The following TMEM131 variants were observed in gnomAD, a reference collection of about 807,000 sequenced individuals.
TMEM131 encodes transmembrane protein 131.
TMEM131 carries 66 observed loss-of-function variants against 211.6 expected under a neutral mutation model. That is an observed-to-expected ratio of 0.31 (90% CI 0.26 to 0.38). TMEM131 has a LOEUF of 0.38. TMEM131 is among the 10% of genes least tolerant of loss of function. The probability of loss-of-function intolerance (pLI) is 1.00; values close to 1 mark genes in which losing one functional copy is unlikely to be tolerated. For missense variants in TMEM131, 2,036 were observed against 2,299.3 expected, an observed-to-expected ratio of 0.89 and a Z score of 2.34; for synonymous variants, 844 against 841.3, an observed-to-expected ratio of 1.00 and a Z score of -0.06.
At position 97,762,172 on chromosome 2, in the gene TMEM131, C is replaced by T. The variant is rs772653419; in HGVS notation, c.4752G>A (p.Leu1584=). 6.2e-7 allele frequency: 1 copy of T among 1,613,904 alleles called. No homozygotes were observed. Among genetic ancestry groups the T allele is most frequent in the Non-Finnish European group, 8.5e-7 (1 of 1,179,878 alleles). The change falls in exon 36 of 41, where the codon CTG becomes CTA. Residue 1584 remains leucine, a synonymous_variant. Coordinates refer to ENST00000186436, the MANE Select transcript of TMEM131 (RefSeq NM_015348.2). ...AGAAAATGTCTGCGTTGAGGGTTTG[C>T]AGAGAAAGTTTATAAAGACTATCAG... is the stretch of plus-strand genomic sequence containing the variant. ...SSTDSLYKLS[L]QTLNADIFLK...
intron 1 of TMEM131, among the ~76,000 whole-genome samples, chr2:97,946,179 CATAT>C (rs3064035): frequency 0.041 from 6,246 of 151,882 alleles, 225 homozygotes; most frequent in African/African-American, 0.096. Flanking sequence ...ATTGCATACT[CATAT>C]ATAATCTATA....
intron 25 of TMEM131, among the ~76,000 whole-genome samples, chr2:97,800,811 G>A (rs1573381047): frequency 6.6e-6 from 1 of 151,936 alleles, no homozygotes; most frequent in Non-Finnish European, 1.5e-5. Flanking sequence ...TGGTTACTGA[G>A]CCTTCTAGAT....
At chr2:97,917,947 CTT>C (rs1239831659) in intron 2 of TMEM131, among the ~76,000 whole-genome samples, 3 of 146,042 alleles carry the variant, frequency 2.1e-5, no homozygotes, top group Non-Finnish European at 3.0e-5. Flanking sequence ...TTTTTTCTCT[CTT>C]TTTTTTTTTT....
At position 97,847,048 on chromosome 2, in the gene TMEM131, G is replaced by A. The variant is rs529937301; in HGVS notation, c.484-2787C>T. On this transcript the variant is annotated intron_variant, in intron 5 of 40. Coordinates refer to ENST00000186436, the MANE Select transcript of TMEM131 (RefSeq NM_015348.2). ...ACAAAAATTAGTTGGGTGTGATGGC[G>A]CGTGCCTGTAGTCCCAGCTACTGGG... 5.6e-3 allele frequency among the ~76,000 whole-genome samples: 783 copies of A among 139,028 alleles called. 1 individual carries two copies. The highest frequency in any genetic ancestry group is 8.8e-3 in the Non-Finnish European group (565 of 64,244). The allele number at this position is 139,028 out of a possible 152,430, so 91.2% of individuals were successfully genotyped here. A position where few individuals can be genotyped will look rare whatever the true frequency, so the allele number is the denominator to read the frequency against.
At chr2:97,861,393 G>A (rs1674062817) in intron 4 of TMEM131, among the ~76,000 whole-genome samples, 1 of 151,206 alleles carries the variant, frequency 6.6e-6, no homozygotes, top group Non-Finnish European at 1.5e-5. Flanking sequence ...ACAGAGGAGA[G>A]GAGGGGGAAG....
intron 32 of TMEM131, 76 bp downstream of exon 32, chr2:97,775,767 T>G (rs1048432977): frequency 4.3e-4 from 613 of 1,439,778 alleles, no homozygotes; most frequent in Middle Eastern, 8.3e-4. Context: ...CCAGAATCTA[T>G]GAGATGGAAG....
At chr2:97,929,079 G>A (rs1677108467) in intron 1 of TMEM131, among the ~76,000 whole-genome samples, 1 of 151,546 alleles carries the variant, frequency 6.6e-6, no homozygotes, top group Admixed American at 6.6e-5. Context: ...TCCAATAAAA[G>A]AAACCAGGGC....
chr2:97,995,445 C>T, intron 1 of TMEM131, 31 bp downstream of exon 1: 4 of 1,345,166 alleles, frequency 3.0e-6, no homozygotes, highest in South Asian at 1.9e-5. Flanking sequence ...GTGACAGCCC[C>T]GCCGCAGGGA....
chr2:97,785,950 C>T (rs1306928707), intron 31 of TMEM131, among the ~76,000 whole-genome samples: 1 of 152,148 alleles, frequency 6.6e-6, no homozygotes, highest in Non-Finnish European at 1.5e-5. Flanking sequence ...TAATCTCCTC[C>T]ATTTCTACAA....
intron 8 of TMEM131, among the ~76,000 whole-genome samples, chr2:97,835,542 A>C (rs1682899642): frequency 6.6e-6 from 1 of 152,218 alleles, no homozygotes; most frequent in South Asian, 2.1e-4. Flanking sequence ...TTTGAGGAGT[A>C]ATCTCTTTCC....
chr2:97,874,117 G>T (rs907926926), intron 4 of TMEM131, among the ~76,000 whole-genome samples: 2 of 152,142 alleles, frequency 1.3e-5, no homozygotes, highest in African/African-American at 4.8e-5. Flanking sequence ...TGGAAGAAAG[G>T]ATATCAGTGA....
intron 3 of TMEM131, among the ~76,000 whole-genome samples, chr2:97,904,729 C>T (rs184952364): frequency 6.7e-6 from 1 of 149,578 alleles, no homozygotes; most frequent in African/African-American, 2.4e-5. Flanking sequence ...TTTATGCCTT[C>T]TTTTAGATCA....
At chr2:97,845,437 C>T (rs74967548) in intron 5 of TMEM131, among the ~76,000 whole-genome samples, 55 of 152,140 alleles carry the variant, frequency 3.6e-4, no homozygotes, top group African/African-American at 1.1e-3. Context: ...GAAAGATACC[C>T]GGCAAACCCT....
chr2:97,813,065 C>G (rs191381448), intron 15 of TMEM131, among the ~76,000 whole-genome samples: 55 of 152,122 alleles, frequency 3.6e-4, no homozygotes, highest in Non-Finnish European at 5.9e-5. Flanking sequence ...ATTTATACGA[C>G]ATAGTTGAGG....
In TMEM131 at chr2:97,790,954, C is replaced by G. The variant is rs370582356; in HGVS notation, c.4144+1432G>C. On this transcript the variant is annotated intron_variant, in intron 31 of 40. Coordinates refer to ENST00000186436, the MANE Select transcript of TMEM131 (RefSeq NM_015348.2). ...AAAAATTATCTAAAACTCCTTGACT[C>G]TGGGATGTCAAGTTTCTTCTGGCCT... Among the ~76,000 whole-genome samples, 14 of 152,296 alleles carry G rather than the reference C, an allele frequency of 9.2e-5. No individual in the cohort carries two copies. The South Asian group carries it at 2.7e-3, about 29-fold the overall frequency.
chr2:97,782,509 C>A (rs574632183), intron 31 of TMEM131, among the ~76,000 whole-genome samples: 50 of 152,094 alleles, frequency 3.3e-4, no homozygotes, highest in Non-Finnish European at 5.9e-4. Flanking sequence ...ACAAACAAAA[C>A]AATAAACAGA....
chr2:97,795,022 G>A lies in TMEM131; in HGVS notation c.3294C>T (p.Ser1098=), dbSNP rs746258682. 6.2e-7 allele frequency: 1 copy of A among 1,613,688 alleles called. No homozygotes were observed. The highest frequency in any genetic ancestry group is 1.1e-5 in the South Asian group (1 of 91,052). Reference sequence around the variant, plus strand: ...AGGTTGCTAACATATGGTAAGGAAGGGATGCATTCAATATAAATACAAACT... The same window carrying A: ...AGGTTGCTAACATATGGTAAGGAAGAGATGCATTCAATATAAATACAAACT... The part of the protein sequence containing the change: ...GSEFVFILNA[S]LPYHMLATCA... The change falls in exon 29 of 41, where the codon TCC becomes TCT. Residue 1098 remains serine, a synonymous_variant. Coordinates refer to ENST00000186436, the MANE Select transcript of TMEM131 (RefSeq NM_015348.2).
chr2:97,758,870 C>T (rs1678657824), intron 40 of TMEM131, 23 bp downstream of exon 40: 4 of 1,590,498 alleles, frequency 2.5e-6, no homozygotes, highest in African/African-American at 1.3e-5. Flanking sequence ...GTCCAGGCCC[C>T]AGCCCCAGCC....
chr2:97,944,767 T>G (rs1677955087), intron 1 of TMEM131, among the ~76,000 whole-genome samples: 1 of 152,076 alleles, frequency 6.6e-6, no homozygotes, highest in African/African-American at 2.4e-5. Context: ...AACAACATAC[T>G]GCTTCAAAAA....
Sources: gnomAD v4.1 joint callset for allele counts (sites outside exome capture counted in the v4.1 genomes callset) on GRCh38, gnomAD v4.1.1 for gene constraint, MANE v1.5 for transcripts, NCBI Gene and HGNC (gene_info 2026-07-23, HGNC 2026-07-21) for gene names.